Variants in CSMD1 observed in about 807,000 individuals in gnomAD.
CSMD1 encodes the protein CUB and Sushi multiple domains 1, also known as CUB and sushi domain-containing protein 1.
A neutral mutation model predicts 417.5 loss-of-function variants in CSMD1; 213 were observed. The observed-to-expected ratio is 0.51, with a 90% CI of 0.46 to 0.57. The LOEUF is 0.57. CSMD1 is among the 20% of genes least tolerant of loss of function. The pLI is 0.00. For synonymous variants in CSMD1, 2,862 were observed against 1,736.8 expected (o/e 1.65, Z -16.11); for missense variants, 6,923 against 4,529.7 (o/e 1.53, Z -15.17).
intron 49 of CSMD1, among the ~76,000 whole-genome samples, chr8:3,062,387 C>T (rs1298811936): frequency 1.3e-5 from 2 of 152,048 alleles, no homozygotes; most frequent in South Asian, 2.1e-4. Context: ...GTAGGTGGTG[C>T]GATGTCGGGT....
At chr8:4,967,942 T>G (rs1403380660) in intron 1 of CSMD1, among the ~76,000 whole-genome samples, 5 of 152,118 alleles carry the variant, frequency 3.3e-5, no homozygotes, top group Non-Finnish European at 7.4e-5. Context: ...TTGAAAATGA[T>G]GTATTTTTTT....
chr8:3,628,965 TAAAG>T (rs948253271), intron 7 of CSMD1, among the ~76,000 whole-genome samples: 13 of 151,078 alleles, frequency 8.6e-5, no homozygotes, highest in African/African-American at 3.2e-4. Flanking sequence ...GAATAAAAGA[TAAAG>T]AAGGGAAGGA....
intron 2 of CSMD1, among the ~76,000 whole-genome samples, chr8:4,434,528 C>T (rs1479960020): frequency 6.6e-6 from 1 of 152,138 alleles, no homozygotes; most frequent in East Asian, 1.9e-4. Context: ...TCTGATGAAG[C>T]ACTTAAGAGC....
At chr8:4,611,867 C>T (rs1473012822) in intron 2 of CSMD1, among the ~76,000 whole-genome samples, 1 of 152,122 alleles carries the variant, frequency 6.6e-6, no homozygotes, top group Non-Finnish European at 1.5e-5. Context: ...TGCCTGCCAC[C>T]TTCATAATGC....
At chr8:4,226,744 C>G (rs779707856) in intron 3 of CSMD1, among the ~76,000 whole-genome samples, 1 of 151,980 alleles carries the variant, frequency 6.6e-6, no homozygotes, top group Non-Finnish European at 1.5e-5. Context: ...ATCAGTTAAC[C>G]TGGCACTGAG....
chr8:4,980,254 G>C (rs1260602765), intron 1 of CSMD1, among the ~76,000 whole-genome samples: 3 of 152,180 alleles, frequency 2.0e-5, no homozygotes. Context: ...GTAATCTTAA[G>C]TTTAAGCCCA....
chr8:3,744,571 T>C (rs1301883723), intron 6 of CSMD1, among the ~76,000 whole-genome samples: 1 of 152,228 alleles, frequency 6.6e-6, no homozygotes, highest in Non-Finnish European at 1.5e-5. Flanking sequence ...ATGACTAGTT[T>C]GTCAATGTAA....
intron 3 of CSMD1, among the ~76,000 whole-genome samples, chr8:4,260,278 G>T (rs1206631276): frequency 1.3e-5 from 2 of 152,070 alleles, no homozygotes; most frequent in Non-Finnish European, 2.9e-5. Context: ...ATTAATGTTT[G>T]TATTTGTTCA....
intron 17 of CSMD1, among the ~76,000 whole-genome samples, chr8:3,390,748 C>T (rs539913210): frequency 2.6e-5 from 4 of 151,806 alleles, no homozygotes; most frequent in South Asian, 2.1e-4. Context: ...GCAAATAATC[C>T]GTGTGCAGCT....
At chr8:3,684,511 A>G (rs537523177) in intron 7 of CSMD1, among the ~76,000 whole-genome samples, 1 of 150,826 alleles carries the variant, frequency 6.6e-6, no homozygotes, top group South Asian at 2.1e-4. Flanking sequence ...CATATATTTT[A>G]TCTTTTTTAC....
chr8:3,466,436 G>T (rs1388582422), intron 12 of CSMD1, among the ~76,000 whole-genome samples: 2 of 151,854 alleles, frequency 1.3e-5, no homozygotes, highest in Non-Finnish European at 2.9e-5. Flanking sequence ...TTAAGATGGA[G>T]TCTCACTCTG....
chr8:4,829,175 T>C (rs1477537394), intron 1 of CSMD1, among the ~76,000 whole-genome samples: 1 of 152,236 alleles, frequency 6.6e-6, no homozygotes, highest in Admixed American at 6.5e-5. Context: ...ACAGCCAATG[T>C]AATTTCTCCT....
intron 69 of CSMD1, among the ~76,000 whole-genome samples, chr8:2,938,990 G>C (rs1801679725): frequency 1.3e-5 from 2 of 152,072 alleles, no homozygotes; most frequent in Non-Finnish European, 2.9e-5. Flanking sequence ...TTTGAGACAG[G>C]GTCTCACTCT....
chr8:3,136,877 G>T (rs189850077), intron 41 of CSMD1, among the ~76,000 whole-genome samples: 3 of 152,060 alleles, frequency 2.0e-5, no homozygotes, highest in African/African-American at 7.2e-5. Context: ...TATCTGCAGT[G>T]ACATGAATTG....
At chr8:3,405,921 G>C (rs1812317380) in intron 15 of CSMD1, 106 bp downstream of exon 15, 5 of 1,055,266 alleles carry the variant, frequency 4.7e-6, no homozygotes, top group African/African-American at 4.7e-5. Flanking sequence ...GTGGTATTTT[G>C]TTAGGGCAGC....
chr8:4,355,233 G>A (rs1382606093), intron 3 of CSMD1, among the ~76,000 whole-genome samples: 2 of 151,824 alleles, frequency 1.3e-5, no homozygotes, highest in African/African-American at 2.4e-5. Flanking sequence ...CTGCACTCCA[G>A]CCTGGGTAAG....
At chr8:4,799,334 G>C (rs1298752253) in intron 1 of CSMD1, among the ~76,000 whole-genome samples, 1 of 152,064 alleles carries the variant, frequency 6.6e-6, no homozygotes, top group Non-Finnish European at 1.5e-5. Flanking sequence ...TCAAAGACAT[G>C]ACTGGTAATA....
intron 1 of CSMD1, among the ~76,000 whole-genome samples, chr8:4,898,898 ATC>A (rs1804679863): frequency 2.0e-5 from 3 of 152,182 alleles, no homozygotes; most frequent in Non-Finnish European, 2.9e-5. Flanking sequence ...TACATTATTT[ATC>A]GTTTAATAAG....
chr8:3,106,142 C>T (rs13253430), intron 46 of CSMD1, among the ~76,000 whole-genome samples: 24,466 of 150,112 alleles, frequency 0.16, 2,118 homozygotes, highest in Non-Finnish European at 0.18. Context: ...TCCTAGCAAT[C>T]TGGGAAGCTG....
Sources: gnomAD v4.1 joint callset for allele counts (sites outside exome capture counted in the v4.1 genomes callset) on GRCh38, gnomAD v4.1.1 for gene constraint, MANE v1.5 for transcripts, NCBI Gene and HGNC (gene_info 2026-07-23, HGNC 2026-07-21) for gene names.